The following HERC2 variants were observed in gnomAD, a reference collection of about 807,000 sequenced individuals.
The protein encoded by HERC2 is HECT and RLD domain containing E3 ubiquitin protein ligase 2.
HERC2 carries 102 observed loss-of-function variants against 537.7 expected under a neutral mutation model. That is an observed-to-expected ratio of 0.19 (90% CI 0.16 to 0.22). The LOEUF is 0.22. Ranked by LOEUF, HERC2 falls within the 10% of genes least tolerant of loss-of-function variation. HERC2 has a pLI of 1.00. For missense variants in HERC2, 4,236 were observed against 6,198.2 expected (o/e 0.68, Z 10.63); for synonymous variants, 2,224 against 2,466.2 (o/e 0.90, Z 2.91).
At chr15:28,130,398 C>T in intron 82 of HERC2, 96 bp from the exon 83 acceptor site, 1 of 1,589,518 alleles carries the variant, frequency 6.3e-7, no homozygotes. Context: ...CAGGACACAA[C>T]CATAGCCTGC....
At chr15:28,214,619 T>C in intron 40 of HERC2, 36 bp downstream of exon 40, 1 of 1,609,368 alleles carries the variant, frequency 6.2e-7, no homozygotes, top group Non-Finnish European at 8.5e-7. Flanking sequence ...TGCGCCGCTC[T>C]TCACCAGGGC....
At chr15:28,219,671 C>T (rs1000938762) in intron 37 of HERC2, among the ~76,000 whole-genome samples, 3 of 152,208 alleles carry the variant, frequency 2.0e-5, no homozygotes, top group African/African-American at 4.8e-5. Context: ...GCCCCCATAC[C>T]ACCTGCTCTC....
At chr15:28,135,245 G>A (rs1890513184) in intron 79 of HERC2, among the ~76,000 whole-genome samples, 2 of 152,248 alleles carry the variant, frequency 1.3e-5, no homozygotes, top group South Asian at 2.1e-4. Context: ...CTTAGTACTT[G>A]TCATCAAAAA....
rs7174049 is a variant in HERC2, at chr15:28,191,090, C to T, written c.8558-34G>A. 749 of 1,588,974 alleles carry T rather than the reference C, an allele frequency of 4.7e-4. 1 individual carries two copies. In the African/African-American group the frequency reaches 8.8e-3, roughly 19 times the overall value. On this transcript the variant is annotated intron_variant, in intron 54 of 92. Coordinates refer to ENST00000261609, the MANE Select transcript of HERC2 (RefSeq NM_004667.6). ...AAATGGGTAAAGAATCAAACAAAGG[C>T]GTCTTTATTATAGAAGGTACTTCTT... is the stretch of plus-strand genomic sequence containing the variant.
chr15:28,123,441 A>C (rs1889141203), intron 85 of HERC2, among the ~76,000 whole-genome samples: 1 of 152,196 alleles, frequency 6.6e-6, no homozygotes, highest in South Asian at 2.1e-4. Flanking sequence ...GCTTGCCAGA[A>C]ACTAACCCAA....
At position 28,122,509 on chromosome 15, in the gene HERC2, C is replaced by T. The variant is rs1416019327; in HGVS notation, c.13189-1080G>A. On this transcript the variant is annotated intron_variant, in intron 85 of 92. Transcript: ENST00000261609. This position sits in a 1 kb window ranked among gnomAD's most constrained non-coding sequence, Gnocchi z 4.1. ...ACCCAGAAAGGGTATCCTGGCGGCA[C>T]CCCAGCCCCATGCCTCTCGCACAGC... is the stretch of plus-strand genomic sequence containing the variant. Among the ~76,000 whole-genome samples the T allele has an allele frequency of 6.6e-6, 1 of 152,160 alleles. No individual in the cohort carries two copies. Among genetic ancestry groups the T allele is most frequent in the African/African-American group, 2.4e-5 (1 of 41,442 alleles).
At chr15:28,150,331 A>T (rs1329242053) in intron 70 of HERC2, among the ~76,000 whole-genome samples, 1 of 151,998 alleles carries the variant, frequency 6.6e-6, no homozygotes, top group Non-Finnish European at 1.5e-5. Flanking sequence ...AATTACTGAA[A>T]AAACACGCGG....
intron 69 of HERC2, among the ~76,000 whole-genome samples, chr15:28,162,782 T>C (rs981838382): frequency 6.6e-6 from 1 of 152,072 alleles, no homozygotes; most frequent in African/African-American, 2.4e-5. Context: ...TCCCAGCTAC[T>C]TGGAAGGCTG....
In HERC2 at chr15:28,132,706, G is replaced by A. The variant is rs1248269563; in HGVS notation, c.12355C>T (p.Arg4119Cys). 1.3e-6 allele frequency: 2 copies of A among 1,595,112 alleles called. No homozygotes were observed. Among genetic ancestry groups the A allele is most frequent in the Non-Finnish European group, 1.7e-6 (2 of 1,171,146 alleles). ...TCGCTGTGCCCCAGCCGGCCGTAGC[G>A]GCCTTTGCCCCATGTGTAGAGGTCC... ...AGDLYTWGKG[R>C]YGRLGHSDSE... Residue 4119 changes from arginine (R) to cysteine (C), a missense_variant, in exon 80 of 93, where the codon CGC becomes TGC. Around this residue, in one of 27 missense-constraint regions of HERC2, gnomAD observed 94 missense variants for 137.4 expected, o/e 0.68. Transcript: ENST00000261609.
intron 78 of HERC2, among the ~76,000 whole-genome samples, chr15:28,138,952 C>T (rs1377444249): frequency 6.6e-6 from 1 of 152,166 alleles, no homozygotes; most frequent in Non-Finnish European, 1.5e-5. Context: ...CCAACCCTCA[C>T]AGATGACCTT....
Position 28,294,718 on chromosome 15 carries a change from C to T in HERC2, c.188-1696G>A, listed in dbSNP as rs113652197. 2.0e-5 allele frequency among the ~76,000 whole-genome samples: 3 copies of T among 151,978 alleles called. 1 individual carries two copies. The highest frequency in any genetic ancestry group is 4.4e-5 in the Non-Finnish European group (3 of 67,938). On this transcript the variant is annotated intron_variant, in intron 3 of 92. Transcript: ENST00000261609. ...CCTGTTCTTACTACAAAATGTGCCT[C>T]CCACAGCCCCTCGTGGTTCACTCTG... is the stretch of plus-strand genomic sequence containing the variant.
In HERC2 at chr15:28,176,610, G is replaced by C. The variant is rs781473707; in HGVS notation, c.9515-11C>G. 1.9e-6 allele frequency: 3 copies of C among 1,613,992 alleles called. No homozygotes were observed. The highest frequency in any genetic ancestry group is 2.5e-6 in the Non-Finnish European group (3 of 1,180,028). On this transcript the variant is annotated splice_polypyrimidine_tract_variant and intron_variant, in intron 62 of 92. Coordinates refer to ENST00000261609, the MANE Select transcript of HERC2 (RefSeq NM_004667.6). This position sits in a 1 kb window ranked among gnomAD's most constrained non-coding sequence, Gnocchi z 5.0. ...AGGAAAATACCAAACCTAGGTTTAA[G>C]AAACACATATACTTCAGGCCAGCGT...
chr15:28,243,618 A>G (rs937928846), intron 23 of HERC2, among the ~76,000 whole-genome samples: 2 of 152,226 alleles, frequency 1.3e-5, no homozygotes, highest in South Asian at 4.1e-4. Context: ...ATTAATGCAC[A>G]CAGGAAAAGG....
intron 55 of HERC2, among the ~76,000 whole-genome samples, chr15:28,187,826 G>C (rs1896456559): frequency 6.6e-6 from 1 of 152,122 alleles, no homozygotes; most frequent in Non-Finnish European, 1.5e-5. Flanking sequence ...CATGCATTTA[G>C]TGGAGTTGGT....
In HERC2 at chr15:28,182,523, G is replaced by A. The variant is rs778989144; in HGVS notation, c.8826-11C>T. The A allele has an allele frequency of 4.2e-5, 65 of 1,556,268 alleles. No homozygotes were observed. The highest frequency in any genetic ancestry group is 2.9e-4 in the African/African-American group (21 of 71,340). ...TTCTTTCTAATGAGGCTAACCAAACGGAAAAAAAAAAGAAAAAGAAAAGAG... is the reference window on the plus strand; with the variant it reads ...TTCTTTCTAATGAGGCTAACCAAACAGAAAAAAAAAAGAAAAAGAAAAGAG... On this transcript the variant is annotated splice_polypyrimidine_tract_variant and intron_variant, in intron 56 of 92. Coordinates refer to ENST00000261609, the MANE Select transcript of HERC2 (RefSeq NM_004667.6).
chr15:28,224,182 C>G (rs1178380278), intron 35 of HERC2, among the ~76,000 whole-genome samples: 1 of 118,692 alleles, frequency 8.4e-6, no homozygotes, highest in South Asian at 2.6e-4. Flanking sequence ...GAGAGAGAAA[C>G]AGACAGACAG....
At chr15:28,155,612 T>TTG (rs1892923838) in intron 69 of HERC2, among the ~76,000 whole-genome samples, 1 of 143,542 alleles carries the variant, frequency 7.0e-6, no homozygotes, top group African/African-American at 3.0e-5. Context: ...TTGATGGGGT[T>TTG]GTTTTTTTCT....
chr15:28,132,163 C>G lies in HERC2; in HGVS notation c.12507G>C (p.Trp4169Cys). The stretch of plus-strand genomic sequence containing the variant: ...CGAGCTTGCCGTAGTCCCCGTCCCC[C>G]CAGGACCAGACAGTGTCGTCATCTG... Reference protein sequence around the residue: ...CLTDDDTVWSWGDGDYGKLGR... With the variant: ...CLTDDDTVWSCGDGDYGKLGR... Residue 4169 changes from tryptophan to cysteine, a missense_variant, in exon 81 of 93, where the codon TGG becomes TGC. Physicochemically the swap from Trp to Cys is radical, Grantham distance 215. This residue lies in a region of HERC2 where 94 missense variants were observed against 137.4 expected (regional missense o/e 0.68). Transcript: ENST00000261609. 1 of 1,613,862 alleles carries G rather than the reference C, an allele frequency of 6.2e-7. No homozygotes were observed. The highest frequency in any genetic ancestry group is 8.5e-7 in the Non-Finnish European group (1 of 1,179,824).
In HERC2 at chr15:28,143,048, C is replaced by T. The variant is rs113294881; in HGVS notation, c.11419-96G>A. ...CGTCAAATGTTTTATTATGTTGGTA[C>T]TAACTCTTCTAAAAAAACTAAAAAA... On this transcript the variant is annotated intron_variant, in intron 74 of 92. Transcript: ENST00000261609. 8.5e-3 allele frequency: 9,261 copies of T among 1,085,180 alleles called. 579 individuals carry two copies. In the African/African-American group the frequency reaches 0.13, roughly 16 times the overall value. The allele number at this position is 1,085,180 out of a possible 1,614,324, so 67.2% of individuals were successfully genotyped here.
Sources: allele counts gnomAD v4.1 joint callset (sites outside exome capture counted in the v4.1 genomes callset), GRCh38; gene constraint gnomAD v4.1.1; regional missense constraint gnomAD v4.1.1; non-coding constraint Gnocchi (gnomAD v3.1); transcripts MANE v1.5; gene names NCBI Gene and HGNC (gene_info 2026-07-23, HGNC 2026-07-21).